GOLGA3: variants seen among roughly 807,000 people sequenced by gnomAD.
GOLGA3 encodes the protein golgin A3.
Under a neutral mutation model 169.4 loss-of-function variants are expected in GOLGA3, and 75 were observed. The ratio of observed to expected loss-of-function variants is 0.44; its 90% CI spans 0.37 to 0.54. The LOEUF is 0.54. Among genes scored for constraint, GOLGA3 ranks in the 20% least tolerant of loss-of-function variants. The pLI, the probability that GOLGA3 is intolerant of heterozygous loss-of-function variation, is 0.00. For synonymous variants in GOLGA3, 824 were observed against 822.4 expected (o/e 1.00, Z -0.03); for missense variants, 1,899 against 1,930.0 (o/e 0.98, Z 0.30).
chr12:132,802,412 C>A (rs1350634495), intron 7 of GOLGA3, among the ~76,000 whole-genome samples: 1 of 151,978 alleles, frequency 6.6e-6, no homozygotes, highest in East Asian at 1.9e-4. Context: ...CAGGGGTGCA[C>A]GCCCAGGAGA....
At chr12:132,773,960 A>C (rs574494603) in intron 23 of GOLGA3, among the ~76,000 whole-genome samples, 197 bp downstream of exon 23, 3 of 137,684 alleles carry the variant, frequency 2.2e-5, no homozygotes, top group Non-Finnish European at 4.6e-5. Context: ...TTCCCCCTTT[A>C]TATAAACCTC....
intron 18 of GOLGA3, among the ~76,000 whole-genome samples, chr12:132,780,255 G>T (rs1301384210): frequency 6.6e-6 from 1 of 152,282 alleles, no homozygotes; most frequent in East Asian, 1.9e-4. Flanking sequence ...AGCGTACTAG[G>T]AGTAGCTGCT....
chr12:132,773,952 C>T (rs949516753), intron 23 of GOLGA3, among the ~76,000 whole-genome samples: 6 of 149,574 alleles, frequency 4.0e-5, no homozygotes, highest in African/African-American at 1.5e-4. Flanking sequence ...CTGAGTCCTT[C>T]CCCCTTTATA....
At position 132,777,149 on chromosome 12, in the gene GOLGA3, TC is replaced by T; in HGVS notation, c.3723-60del. 1.3e-6 allele frequency: 2 copies of T among 1,520,090 alleles called. No homozygotes were observed. The highest frequency in any genetic ancestry group is 1.8e-6 in the Non-Finnish European group (2 of 1,133,030). The allele number at this position is 1,520,090 out of a possible 1,614,324, so 94.2% of individuals were successfully genotyped here. On this transcript the variant is annotated intron_variant, in intron 19 of 23. Coordinates refer to ENST00000450791, the MANE Select transcript of GOLGA3 (RefSeq NM_001389683.1). This position sits in a 1 kb window ranked among gnomAD's most constrained non-coding sequence, Gnocchi z 4.7. ...CACGCTCCTCCAGTGTGCTGTGCCCTCCCGCTGGGAAATGCTGCCTGTGGAA... is the reference window on the plus strand; with the variant it reads ...CACGCTCCTCCAGTGTGCTGTGCCCTCCGCTGGGAAATGCTGCCTGTGGAA...
At chr12:132,796,892 C>G (rs1462465933) in intron 9 of GOLGA3, among the ~76,000 whole-genome samples, 192 bp from the exon 10 acceptor site, 2 of 152,230 alleles carry the variant, frequency 1.3e-5, no homozygotes, top group Non-Finnish European at 2.9e-5. Context: ...AGACCGAGGC[C>G]AGGCCCAGCC....
chr12:132,790,045 T>A (rs7296717), intron 12 of GOLGA3, among the ~76,000 whole-genome samples: 99,833 of 147,372 alleles, frequency 0.68, 33,476 homozygotes, highest in East Asian at 0.81. Flanking sequence ...AAAAACTAAA[T>A]TACAGGCCGG....
chr12:132,784,880 C>A (rs1393227411), intron 15 of GOLGA3, among the ~76,000 whole-genome samples: 1 of 152,118 alleles, frequency 6.6e-6, no homozygotes, highest in African/African-American at 2.4e-5. Flanking sequence ...ACAAACACTC[C>A]ACACGCTGCA....
At chr12:132,784,748 CTCACACCCCACGTGT>C (rs1294433180) in intron 15 of GOLGA3, among the ~76,000 whole-genome samples, 1 of 146,478 alleles carries the variant, frequency 6.8e-6, no homozygotes, top group South Asian at 2.2e-4. Context: ...CACGCACATG[CTCACACCCCACGTGT>C]TCACACCCCA....
rs2045922871 is a variant in GOLGA3 at position 132,786,716 on chromosome 12, T to G, written c.2883A>C (p.Glu961Asp). The part of the protein sequence containing the change: ...EANEALKKQI[E>D]ELQQEARKAI... Reference sequence around the variant, plus strand: ...ACTTCCGGGCCTCTTGCTGCAACTCTTCGATTTGTTTCTTCAGCGCCTCAT... The same window carrying G: ...ACTTCCGGGCCTCTTGCTGCAACTCGTCGATTTGTTTCTTCAGCGCCTCAT... Residue 961 changes from glutamate (E) to aspartate (D), a missense_variant, in exon 14 of 24, where the codon GAA (glutamate) becomes GAC (aspartate). Physicochemically the swap from Glu to Asp is conservative, Grantham distance 45. Coordinates refer to ENST00000450791, the MANE Select transcript of GOLGA3 (RefSeq NM_001389683.1). The G allele has an allele frequency of 6.3e-7, 1 of 1,597,982 alleles. No individual in the cohort carries two copies. The highest frequency in any genetic ancestry group is 1.1e-5 in the South Asian group (1 of 90,656).
In GOLGA3 at chr12:132,811,204, C is replaced by T. The variant is rs908040655; in HGVS notation, c.519+2103G>A. On this transcript the variant is annotated intron_variant, in intron 4 of 23. Coordinates refer to ENST00000450791, the MANE Select transcript of GOLGA3 (RefSeq NM_001389683.1). ...TCTCCACGTCTTGGTGGTAGTGGTC[C>T]CCCCGGCCCAGCTGTCTTTTATCTC... is the stretch of plus-strand genomic sequence containing the variant. Among the ~76,000 whole-genome samples the T allele has an allele frequency of 6.2e-4, 91 of 147,364 alleles. 1 individual carries two copies. The highest frequency in any genetic ancestry group is 6.1e-4 in the Admixed American group (9 of 14,642).
chr12:132,799,739 G>GTT (rs1336329709), intron 8 of GOLGA3, among the ~76,000 whole-genome samples: 1 of 146,378 alleles, frequency 6.8e-6, no homozygotes, highest in Admixed American at 6.8e-5. Context: ...CTTGTTGTTG[G>GTT]TTTTTTTTTT....
intron 1 of GOLGA3, chr12:132,825,818 A>G: frequency 1.8e-6 from 2 of 1,124,140 alleles, no homozygotes; most frequent in Admixed American, 1.7e-5. Flanking sequence ...CTACAAGAAC[A>G]TTGGTCTGGG....
intron 11 of GOLGA3, among the ~76,000 whole-genome samples, chr12:132,792,584 A>C (rs574627671): frequency 5.0e-5 from 7 of 139,216 alleles, no homozygotes; most frequent in African/African-American, 1.3e-4. Flanking sequence ...ACCTGCACTC[A>C]GAGGGCTCCA....
chr12:132,800,164 G>A (rs777864111), intron 8 of GOLGA3, among the ~76,000 whole-genome samples: 2 of 152,186 alleles, frequency 1.3e-5, no homozygotes, highest in Non-Finnish European at 2.9e-5. Flanking sequence ...TATGTTGTAA[G>A]TAGAACAAAT....
intron 16 of GOLGA3, 113 bp downstream of exon 16, chr12:132,784,051 G>C (rs1394437872): frequency 1.2e-5 from 19 of 1,544,708 alleles, no homozygotes; most frequent in Non-Finnish European, 1.6e-5. Flanking sequence ...ACCAAAAGTA[G>C]CAACGCTGGG....
At chr12:132,795,801 T>C in intron 11 of GOLGA3, 51 bp downstream of exon 11, 2 of 1,541,348 alleles carry the variant, frequency 1.3e-6, no homozygotes, top group Non-Finnish European at 1.8e-6. Context: ...ATCAGCATCA[T>C]TCCTGCAAGG....
In GOLGA3 at chr12:132,787,860, C is replaced by CCGGGACCCCTCCCCGGAGACCA. The variant is rs1566088435; in HGVS notation, c.2812-1074_2812-1073insTGGTCTCCGGGGAGGGGTCCCG. On this transcript the variant is annotated intron_variant, in intron 13 of 23. Transcript: ENST00000450791. ...ACCCCGGGACCCCTCCCCGGAGACC[C>CCGGGACCCCTCCCCGGAGACCA]CGGGACCCCTTCCCGAGACCCCAGG... 1.0e-3 allele frequency among the ~76,000 whole-genome samples: 48 copies of CCGGGACCCCTCCCCGGAGACCA among 46,130 alleles called. 7 individuals carry two copies. Among genetic ancestry groups the CCGGGACCCCTCCCCGGAGACCA allele is most frequent in the South Asian group, 3.1e-3 (5 of 1,588 alleles). 30.3% of individuals were successfully genotyped at this position (46,130 alleles called of 152,430 possible).
chr12:132,781,494 G>A (rs2136307120), intron 17 of GOLGA3, among the ~76,000 whole-genome samples: 2 of 152,288 alleles, frequency 1.3e-5, no homozygotes, highest in South Asian at 4.1e-4. Flanking sequence ...GGGAGGCAGG[G>A]AGCCGCGATC....
intron 10 of GOLGA3, 75 bp downstream of exon 10, chr12:132,796,464 T>G (rs1225038056): frequency 1.4e-6 from 2 of 1,479,166 alleles, no homozygotes; most frequent in East Asian, 4.5e-5. Flanking sequence ...GACTGCTCGG[T>G]CTCCTTGTGT....
Sources: allele counts gnomAD v4.1 joint callset (sites outside exome capture counted in the v4.1 genomes callset), GRCh38; gene constraint gnomAD v4.1.1; non-coding constraint Gnocchi (gnomAD v3.1); transcripts MANE v1.5; gene names NCBI Gene and HGNC (gene_info 2026-07-23, HGNC 2026-07-21).